MGA: variants seen among roughly 807,000 people sequenced by gnomAD.
MGA encodes the protein MAX dimerization protein MGA, also known as MAX gene-associated protein.
MGA carries 40 observed loss-of-function variants against 261.1 expected under a neutral mutation model. The observed-to-expected ratio is 0.15, with a 90% CI of 0.12 to 0.20. MGA has a LOEUF of 0.20. Among genes scored for constraint, MGA ranks in the 10% least tolerant of loss-of-function variants. The pLI, the probability that MGA is intolerant of heterozygous loss-of-function variation, is 1.00. For synonymous variants in MGA, 1,302 were observed against 1,290.6 expected (o/e 1.01, Z -0.19); for missense variants, 3,397 against 3,630.5 (o/e 0.94, Z 1.65).
intron 20 of MGA, 99 bp from the exon 21 acceptor site, chr15:41,761,640 C>G (rs571458381): frequency 3.6e-5 from 22 of 607,628 alleles, no homozygotes; most frequent in Non-Finnish European, 4.9e-5. Context: ...CTTAAGATGT[C>G]AGATTAAGTT....
Position 41,727,415 on chromosome 15 carries a change from G to A in MGA, c.3657+9G>A. 1 of 1,603,182 alleles carries A rather than the reference G, an allele frequency of 6.2e-7. No homozygotes were observed. On this transcript the variant is annotated intron_variant, in intron 10 of 23. Transcript: ENST00000219905. ...CCAAACCCAATCCTGTGGTAAGTCT[G>A]GAATTTAATCTTTTATTACAAGTTA...
intron 7 of MGA, among the ~76,000 whole-genome samples, chr15:41,710,357 A>T (rs933345400): frequency 3.3e-5 from 5 of 152,202 alleles, no homozygotes; most frequent in African/African-American, 9.7e-5. Context: ...TCTGAGACTC[A>T]TTCTCTTCAC....
At chr15:41,622,398 CG>C (rs1005025411) in intron 1 of MGA, among the ~76,000 whole-genome samples, 3 of 146,354 alleles carry the variant, frequency 2.0e-5, no homozygotes, top group Non-Finnish European at 2.9e-5. Flanking sequence ...ACCGCCACCC[CG>C]CCAAAAAAAA....
chr15:41,684,498 A>G (rs1292170781), intron 2 of MGA: 14 of 393,262 alleles, frequency 3.6e-5, no homozygotes, highest in Non-Finnish European at 6.0e-5. Context: ...TTCATCATGT[A>G]TAAAGTTTTT....
Position 41,710,928 on chromosome 15 carries a change from C to A in MGA, c.2663C>A (p.Pro888His), listed in dbSNP as rs2151478837. The change falls in exon 8 of 24, where the codon CCT becomes CAT. Residue 888 changes from proline (P) to histidine (H), a missense_variant. Pro to His is a moderately conservative substitution (Grantham distance 77). Around this residue, in one of 9 missense-constraint regions of MGA, gnomAD observed 519 missense variants for 554.1 expected, o/e 0.94. Coordinates refer to ENST00000219905, the MANE Select transcript of MGA (RefSeq NM_001164273.2). Reference sequence around the variant, plus strand: ...CCTTCTACCTCTTATTCTTTGAAACCTCATTCTGTACCCCCTGTCTCTCGA... The same window carrying A: ...CCTTCTACCTCTTATTCTTTGAAACATCATTCTGTACCCCCTGTCTCTCGA... 2 of 1,613,962 alleles carry A rather than the reference C, an allele frequency of 1.2e-6. No individual in the cohort carries two copies. Among genetic ancestry groups the A allele is most frequent in the Non-Finnish European group, 1.7e-6 (2 of 1,179,876 alleles).
At chr15:41,707,578 T>C in intron 5 of MGA, 150 bp from the exon 6 acceptor site, 1 of 688,700 alleles carries the variant, frequency 1.5e-6, no homozygotes, top group African/African-American at 1.8e-5. Flanking sequence ...TGCTACAGTT[T>C]GTTTTTTTCA....
At chr15:41,689,487 T>C (rs938064403) in intron 2 of MGA, among the ~76,000 whole-genome samples, 1 of 151,934 alleles carries the variant, frequency 6.6e-6, no homozygotes, top group African/African-American at 2.4e-5. Context: ...AAGAAAAGTC[T>C]TTTATATTTA....
intron 1 of MGA, among the ~76,000 whole-genome samples, chr15:41,634,533 CAT>C (rs2056659934): frequency 6.6e-6 from 1 of 152,260 alleles, no homozygotes; most frequent in African/African-American, 2.4e-5. Context: ...GTTTGAATAT[CAT>C]ATACATGTTT....
chr15:41,706,259 A>C (rs568153776), intron 5 of MGA, among the ~76,000 whole-genome samples: 1 of 151,906 alleles, frequency 6.6e-6, no homozygotes, highest in East Asian at 1.9e-4. Context: ...AAAATGAATA[A>C]ATAAATATGT....
Position 41,767,156 on chromosome 15 carries a change from G to C in MGA, c.9074G>C (p.Gly3025Ala), listed in dbSNP as rs756898895. ...ATAGCTGCCAAAGTTGGGTCAGTTG[G>C]ACACAAAATGAACTTAACAGGGAAT... Residue 3025 changes from glycine to alanine, a missense_variant, in exon 24 of 24, where the codon GGA becomes GCA. Coordinates refer to ENST00000219905, the MANE Select transcript of MGA (RefSeq NM_001164273.2). 6.2e-7 allele frequency: 1 copy of C among 1,614,014 alleles called. No individual in the cohort carries two copies.
chr15:41,731,438 T>A (rs1316750369), intron 11 of MGA, among the ~76,000 whole-genome samples: 4 of 152,094 alleles, frequency 2.6e-5, no homozygotes, highest in Non-Finnish European at 5.9e-5. Context: ...AAAAACTCTT[T>A]AAAATAAACT....
intron 1 of MGA, among the ~76,000 whole-genome samples, chr15:41,638,579 G>T (rs1029678628): frequency 4.0e-5 from 6 of 151,620 alleles, no homozygotes; most frequent in African/African-American, 1.5e-4. Flanking sequence ...GTTTCCCAGG[G>T]GTCTTGCTTG....
In MGA at chr15:41,669,055, T is replaced by G; in HGVS notation, c.161T>G (p.Val54Gly). 6.2e-7 allele frequency: 1 copy of G among 1,611,840 alleles called. No homozygotes were observed. Among genetic ancestry groups the G allele is most frequent in the Non-Finnish European group, 8.5e-7 (1 of 1,178,006 alleles). ...GATGCCTGTGCTTTGGCTAGTAGTG[T>G]GTCATCACCAGTAAAATCTAAAGGG... The change falls in exon 2 of 24, where the codon GTG (valine) becomes GGG (glycine). Residue 54 changes from valine (V) to glycine (G), a missense_variant. Around this residue, in one of 9 missense-constraint regions of MGA, gnomAD observed 81 missense variants for 84.3 expected, o/e 0.96. Transcript: ENST00000219905.
At chr15:41,644,924 G>A (rs1432656749) in intron 1 of MGA, among the ~76,000 whole-genome samples, 2 of 152,044 alleles carry the variant, frequency 1.3e-5, no homozygotes, top group Non-Finnish European at 2.9e-5. Context: ...TGGGCCAAGA[G>A]GCAAAATAGG....
intron 1 of MGA, among the ~76,000 whole-genome samples, chr15:41,635,631 G>C (rs2056687903): frequency 1.3e-5 from 2 of 152,096 alleles, no homozygotes; most frequent in Non-Finnish European, 2.9e-5. Context: ...GGAAGGTCAA[G>C]GCTGCAGGGA....
chr15:41,625,097 G>A (rs2056414885), intron 1 of MGA, among the ~76,000 whole-genome samples: 1 of 152,120 alleles, frequency 6.6e-6, no homozygotes, highest in Admixed American at 6.5e-5. Flanking sequence ...GAGCTGTGAC[G>A]TGTCACTGCA....
chr15:41,709,042 T>G (rs1405443640), intron 7 of MGA, among the ~76,000 whole-genome samples: 4 of 152,166 alleles, frequency 2.6e-5, no homozygotes, highest in Non-Finnish European at 4.4e-5. Flanking sequence ...ATTTTTTTGT[T>G]TCTTAAAAAC....
intron 1 of MGA, among the ~76,000 whole-genome samples, chr15:41,663,332 G>A (rs1261659848): frequency 6.6e-6 from 1 of 152,038 alleles, no homozygotes; most frequent in Admixed American, 6.5e-5. Flanking sequence ...ATGTTGAAAA[G>A]CCGAATTGAA....
intron 9 of MGA, among the ~76,000 whole-genome samples, chr15:41,723,053 C>T (rs777487283): frequency 2.6e-5 from 4 of 152,168 alleles, no homozygotes; most frequent in Non-Finnish European, 5.9e-5. Flanking sequence ...GGAGGCATTT[C>T]AGTAGAAATG....
Sources: allele counts gnomAD v4.1 joint callset (sites outside exome capture counted in the v4.1 genomes callset), GRCh38; gene constraint gnomAD v4.1.1; regional missense constraint gnomAD v4.1.1; transcripts MANE v1.5; gene names NCBI Gene and HGNC (gene_info 2026-07-23, HGNC 2026-07-21).